Variants in NUSAP1 observed in about 807,000 individuals in gnomAD.
NUSAP1 encodes the protein nucleolar and spindle associated protein 1.
Under a neutral mutation model 52.8 loss-of-function variants are expected in NUSAP1, and 32 were observed. The observed-to-expected ratio is 0.61, with a 90% confidence interval of 0.46 to 0.81. The LOEUF (loss-of-function observed/expected upper bound fraction) is 0.81, where lower values mean the gene tolerates loss of function less well. Ranked by LOEUF, NUSAP1 falls within the 40% of genes least tolerant of loss-of-function variation. The pLI is 0.00. For synonymous variants in NUSAP1, 195 were observed against 183.1 expected (o/e 1.06, Z -0.52); for missense variants, 499 against 522.3 (o/e 0.96, Z 0.43).
At chr15:41,365,668 AT>A in intron 7 of NUSAP1, 79 bp downstream of exon 7, 2 of 1,064,916 alleles carry the variant, frequency 1.9e-6, no homozygotes, top group Non-Finnish European at 2.7e-6. Flanking sequence ...TAATTGGCAA[AT>A]AATATTCGTA....
Position 41,346,540 on chromosome 15 carries a change from T to C in NUSAP1, c.163-2558T>C, listed in dbSNP as rs2048577499. 2.6e-5 allele frequency among the ~76,000 whole-genome samples: 4 copies of C among 151,916 alleles called. No homozygotes were observed. In the South Asian group the frequency reaches 8.3e-4, roughly 32 times the overall value. On this transcript the variant is annotated intron_variant, in intron 2 of 10. Transcript: ENST00000559596. Reference sequence around the variant, plus strand: ...CCTAGGCTGGGGAACTTTTTAAAAATACGGATGGCTGGGTGCGGTGGCTCA... The same window carrying C: ...CCTAGGCTGGGGAACTTTTTAAAAACACGGATGGCTGGGTGCGGTGGCTCA...
chr15:41,345,359 C>T, intron 2 of NUSAP1: 1 of 348,322 alleles, frequency 2.9e-6, no homozygotes, highest in Non-Finnish European at 5.4e-6. Flanking sequence ...TTTTTCTATT[C>T]TCATGTAAAA....
chr15:41,376,439 G>A (rs994397812), intron 9 of NUSAP1, among the ~76,000 whole-genome samples: 6 of 151,520 alleles, frequency 4.0e-5, no homozygotes, highest in African/African-American at 1.2e-4. Flanking sequence ...TGTAATCCCA[G>A]CACTTTGGGA....
At chr15:41,350,300 G>C (rs567793485) in intron 3 of NUSAP1, among the ~76,000 whole-genome samples, 1 of 152,234 alleles carries the variant, frequency 6.6e-6, no homozygotes, top group Admixed American at 6.6e-5. Context: ...ATAATCTATA[G>C]CGTAACATAA....
intron 7 of NUSAP1, among the ~76,000 whole-genome samples, chr15:41,369,941 G>A (rs952552631): frequency 2.7e-5 from 4 of 150,492 alleles, no homozygotes; most frequent in South Asian, 4.2e-4. Flanking sequence ...GGTGGCAGTC[G>A]CCTGTAATTC....
At chr15:41,359,902 C>A (rs955068273) in intron 6 of NUSAP1, among the ~76,000 whole-genome samples, 1 of 151,928 alleles carries the variant, frequency 6.6e-6, no homozygotes, top group African/African-American at 2.4e-5. Flanking sequence ...GCTGGTATTA[C>A]ATGCATGAGC....
chr15:41,375,968 A>C, intron 9 of NUSAP1, 140 bp downstream of exon 9: 1 of 605,132 alleles, frequency 1.7e-6, no homozygotes, highest in South Asian at 2.0e-5. Context: ...TAGGATGCTG[A>C]GACAGGAGAA....
At chr15:41,351,724 C>T (rs2140637439) in intron 4 of NUSAP1, among the ~76,000 whole-genome samples, 1 of 152,246 alleles carries the variant, frequency 6.6e-6, no homozygotes, top group South Asian at 2.1e-4. Context: ...GAGGTTAAGG[C>T]TGCAGTGGGC....
intron 1 of NUSAP1, among the ~76,000 whole-genome samples, chr15:41,340,291 A>G (rs2048327225): frequency 6.6e-6 from 1 of 150,670 alleles, no homozygotes; most frequent in African/African-American, 2.4e-5. Flanking sequence ...CCTCATTCAC[A>G]TCTCGGGAGG....
chr15:41,339,522 T>C (rs1301947030), intron 1 of NUSAP1, among the ~76,000 whole-genome samples: 3 of 151,426 alleles, frequency 2.0e-5, no homozygotes, highest in Non-Finnish European at 4.4e-5. Context: ...GCAATTCTCT[T>C]GCCTCAGCCT....
chr15:41,368,576 CCCCAT>C (rs2049515239), intron 7 of NUSAP1, among the ~76,000 whole-genome samples: 2 of 152,064 alleles, frequency 1.3e-5, no homozygotes, highest in South Asian at 4.1e-4. Context: ...GTGGGACTTT[CCCCAT>C]AGATCAAAGT....
At chr15:41,365,307 C>T (rs1595582517) in intron 6 of NUSAP1, 95 bp from the exon 7 acceptor site, 6 of 1,045,204 alleles carry the variant, frequency 5.7e-6, no homozygotes, top group Non-Finnish European at 6.8e-6. Context: ...TAGGCACATG[C>T]CACAACGCCC....
In NUSAP1 at chr15:41,355,830, C is replaced by A. The variant is rs570061304; in HGVS notation, c.449-209C>A. Among the ~76,000 whole-genome samples, 6 of 152,090 alleles carry A rather than the reference C, an allele frequency of 3.9e-5. No individual in the cohort carries two copies. In the East Asian group the frequency reaches 1.2e-3, roughly 29 times the overall value. The stretch of plus-strand genomic sequence containing the variant: ...TAGCTGGGACTACAGGCGCCCACCA[C>A]CACGCCCGGCTGACTTTTTGTATTT... On this transcript the variant is annotated intron_variant, in intron 4 of 10. Transcript: ENST00000559596.
At chr15:41,377,409 T>C (rs2049986893) in intron 10 of NUSAP1, 105 bp downstream of exon 10, 1 of 612,986 alleles carries the variant, frequency 1.6e-6, no homozygotes, top group South Asian at 2.2e-5. Flanking sequence ...AGGTTAGAAG[T>C]GGTATTATGG....
intron 7 of NUSAP1, among the ~76,000 whole-genome samples, chr15:41,371,244 A>G (rs768515603): frequency 6.6e-6 from 1 of 152,176 alleles, no homozygotes; most frequent in Non-Finnish European, 1.5e-5. Context: ...TTGGACTATA[A>G]TGAGGCCTCC....
chr15:41,358,877 C>T (rs962302966), intron 6 of NUSAP1, among the ~76,000 whole-genome samples: 9 of 152,180 alleles, frequency 5.9e-5, no homozygotes, highest in African/African-American at 7.2e-5. Flanking sequence ...TTCTTTCCCT[C>T]GTCCCTTATG....
At chr15:41,376,020 C>G (rs1275594193) in intron 9 of NUSAP1, among the ~76,000 whole-genome samples, 192 bp downstream of exon 9, 4 of 151,212 alleles carry the variant, frequency 2.6e-5, no homozygotes, top group Admixed American at 2.6e-4. Flanking sequence ...GAGCCGAGAC[C>G]GTGCCACTGC....
At chr15:41,348,846 C>CA in intron 2 of NUSAP1, among the ~76,000 whole-genome samples, 1 of 151,700 alleles carries the variant, frequency 6.6e-6, no homozygotes, top group East Asian at 2.0e-4. Context: ...CTATGTCAAC[C>CA]AGGCTGGTCT....
At chr15:41,348,374 G>A (rs142538253) in intron 2 of NUSAP1, among the ~76,000 whole-genome samples, 189 of 151,554 alleles carry the variant, frequency 1.2e-3, no homozygotes, top group African/African-American at 4.1e-3. Context: ...CCACTGGCCC[G>A]GCTTAATACA....
Sources: gnomAD v4.1 joint callset for allele counts (sites outside exome capture counted in the v4.1 genomes callset) on GRCh38, gnomAD v4.1.1 for gene constraint, MANE v1.5 for transcripts, NCBI Gene and HGNC (gene_info 2026-07-23, HGNC 2026-07-21) for gene names.